Variants in NUP214 observed in about 807,000 individuals in gnomAD.
NUP214 encodes nucleoporin 214, also known as nuclear pore complex protein Nup214.
NUP214 carries 79 observed loss-of-function variants against 196.2 expected under a neutral mutation model. That is an observed-to-expected ratio of 0.40 (90% CI 0.34 to 0.49). The LOEUF (loss-of-function observed/expected upper bound fraction) is 0.49, where lower values mean the gene tolerates loss of function less well. Ranked by LOEUF, NUP214 falls within the 20% of genes least tolerant of loss-of-function variation. NUP214 has a pLI of 0.58. For missense variants in NUP214, 2,468 were observed against 2,539.0 expected (o/e 0.97, Z 0.60); for synonymous variants, 1,020 against 990.5 (o/e 1.03, Z -0.56).
intron 16 of NUP214, 38 bp downstream of exon 16, chr9:131,150,803 A>G (rs1564186302): frequency 6.3e-7 from 1 of 1,576,318 alleles, no homozygotes; most frequent in Admixed American, 1.9e-5. Context: ...GTTGAATTGC[A>G]TTTAACAATT....
In NUP214 at chr9:131,189,071, C is replaced by G. The variant is rs1488321854; in HGVS notation, c.3514C>G (p.Leu1172Val). 22 of 1,613,778 alleles carry G rather than the reference C, an allele frequency of 1.4e-5. No homozygotes were observed. Among genetic ancestry groups the G allele is most frequent in the Non-Finnish European group, 1.8e-5 (21 of 1,179,806 alleles). ...QAKQGSLINS[L>V]KPSGPTPASG... The stretch of plus-strand genomic sequence containing the variant: ...GTTATAGGGGTCTCTAATAAATTCC[C>G]TTAAGCCATCTGGGCCTACACCAGC... Residue 1172 changes from leucine (L) to valine (V), a missense_variant, in exon 26 of 36, where the codon CTT (leucine) becomes GTT (valine). Around this residue, in one of 5 missense-constraint regions of NUP214, gnomAD observed 1,801 missense variants for 1,779.4 expected, o/e 1.01. Coordinates refer to ENST00000359428, the MANE Select transcript of NUP214 (RefSeq NM_005085.4).
rs139865554 is a variant in NUP214 at position 131,198,308 on chromosome 9, G to A, written c.4814G>A (p.Gly1605Asp). ...ACAGCAGCTGCTATCTCAAGTGCAG[G>A]CCCTGTGGCCGTCGAAACATCAAGT... ...AVTAAAISSA[G>D]PVAVETSSTP... The change falls in exon 29 of 36, where the codon GGC (glycine) becomes GAC (aspartate). Residue 1605 changes from glycine (G) to aspartate (D), a missense_variant. Around this residue, in one of 5 missense-constraint regions of NUP214, gnomAD observed 1,801 missense variants for 1,779.4 expected, o/e 1.01. Coordinates refer to ENST00000359428, the MANE Select transcript of NUP214 (RefSeq NM_005085.4). 61 of 1,614,180 alleles carry A rather than the reference G, an allele frequency of 3.8e-5. No individual in the cohort carries two copies. In the African/African-American group the frequency reaches 5.1e-4, roughly 13 times the overall value.
At chr9:131,210,742 C>T (rs927384345) in intron 30 of NUP214, among the ~76,000 whole-genome samples, 5 of 151,572 alleles carry the variant, frequency 3.3e-5, no homozygotes, top group Non-Finnish European at 7.4e-5. Context: ...GAACAGTGAA[C>T]TCGAAGACGT....
At chr9:131,231,337 G>A (rs1044500141) in intron 34 of NUP214, among the ~76,000 whole-genome samples, 4 of 152,024 alleles carry the variant, frequency 2.6e-5, no homozygotes, top group Non-Finnish European at 5.9e-5. Context: ...GTCTACAGGC[G>A]CCCGCCACCA....
In NUP214 at chr9:131,234,039, CCAG is replaced by C; in HGVS notation, c.*559_*561del. Reference sequence around the variant, plus strand: ...GTGGAGGCAGAGGAAGCCACTCATGCCAGCAGCAGTTGAGTTTCAGAAGCAGCC... The same window carrying C: ...GTGGAGGCAGAGGAAGCCACTCATGCCAGCAGTTGAGTTTCAGAAGCAGCC... On this transcript the variant is annotated 3_prime_UTR_variant, in exon 36 of 36. Transcript: ENST00000359428. The C allele has an allele frequency of 3.9e-6, 1 of 254,172 alleles. No individual in the cohort carries two copies. Among genetic ancestry groups the C allele is most frequent in the South Asian group, 1.2e-4 (1 of 8,420 alleles). 15.7% of individuals were successfully genotyped at this position (254,172 alleles called of 1,614,324 possible). A position where few individuals can be genotyped will look rare whatever the true frequency, so the allele number is the denominator to read the frequency against.
At position 131,151,800 on chromosome 9, in the gene NUP214, A is replaced by T; in HGVS notation, c.2342A>T (p.Glu781Val). The T allele has an allele frequency of 1.2e-6, 2 of 1,613,710 alleles. No homozygotes were observed. The highest frequency in any genetic ancestry group is 1.7e-6 in the Non-Finnish European group (2 of 1,179,908). The change falls in exon 17 of 36, where the codon GAA (glutamate) becomes GTA (valine). Residue 781 changes from glutamate to valine, a missense_variant. Around this residue, in one of 5 missense-constraint regions of NUP214, gnomAD observed 1,801 missense variants for 1,779.4 expected, o/e 1.01. Coordinates refer to ENST00000359428, the MANE Select transcript of NUP214 (RefSeq NM_005085.4). The part of the protein sequence containing the change: ...TLLEGFAGVE[E>V]AREQNERNRD... ...CTTGAGGGCTTTGCTGGTGTTGAGG[A>T]AGCCAGAGAACAAAATGAAAGAAAT...
intron 10 of NUP214, 137 bp downstream of exon 10, chr9:131,139,544 A>T: frequency 7.6e-7 from 1 of 1,309,110 alleles, no homozygotes. Context: ...TTCTCCCTGA[A>T]GAGTGATAAC....
At chr9:131,177,985 G>C (rs1281932211) in intron 23 of NUP214, among the ~76,000 whole-genome samples, 1 of 152,178 alleles carries the variant, frequency 6.6e-6, no homozygotes, top group East Asian at 1.9e-4. Context: ...TAATCCTCTA[G>C]CTCAAGCTGC....
chr9:131,187,628 C>T (rs1459450224), intron 25 of NUP214, among the ~76,000 whole-genome samples: 1 of 152,206 alleles, frequency 6.6e-6, no homozygotes, highest in East Asian at 1.9e-4. Context: ...CTCAGATGAT[C>T]CATCTGCCTC....
At position 131,125,610 on chromosome 9, in the gene NUP214, C is replaced by G; in HGVS notation, c.-95C>G. 2.6e-6 allele frequency: 4 copies of G among 1,538,846 alleles called. No individual in the cohort carries two copies. The highest frequency in any genetic ancestry group is 3.5e-6 in the Non-Finnish European group (4 of 1,141,146). On this transcript the variant is annotated 5_prime_UTR_variant, in exon 1 of 36. Transcript: ENST00000359428. This position sits in a 1 kb window ranked among gnomAD's most constrained non-coding sequence, Gnocchi z 4.1. Reference sequence around the variant, plus strand: ...CGAGGTCAACTGCGCGCCGCTGGCGCTGAGGGGAGGAAGTTTGCTGTCGAG... The same window carrying G: ...CGAGGTCAACTGCGCGCCGCTGGCGGTGAGGGGAGGAAGTTTGCTGTCGAG...
Position 131,127,620 on chromosome 9 carries a change from T to C in NUP214, c.142T>C (p.Tyr48His). ...RSSLLAVSNK[Y>H]GLVFAGGASG... ...GAGTCTGCTTGCTGTGTCCAACAAA[T>C]ATGGTCTGGTCTTCGCTGGTGGAGC... Residue 48 changes from tyrosine (Y) to histidine (H), a missense_variant, in exon 2 of 36, where the codon TAT (tyrosine) becomes CAT (histidine). Around this residue, in one of 5 missense-constraint regions of NUP214, gnomAD observed 392 missense variants for 417.9 expected, o/e 0.94. Coordinates refer to ENST00000359428, the MANE Select transcript of NUP214 (RefSeq NM_005085.4). 6.2e-7 allele frequency: 1 copy of C among 1,614,126 alleles called. No individual in the cohort carries two copies. The highest frequency in any genetic ancestry group is 2.2e-5 in the East Asian group (1 of 44,878).
chr9:131,223,206 CGCCAG>C (rs1834612139), intron 32 of NUP214, among the ~76,000 whole-genome samples: 1 of 150,796 alleles, frequency 6.6e-6, no homozygotes, highest in Admixed American at 6.6e-5. Flanking sequence ...CTCAATCTGT[CGCCAG>C]GCTGGAGTGC....
rs142542063 is a variant in NUP214 at position 131,230,319 on chromosome 9, G to T, written c.6075-311G>T. The T allele has an allele frequency of 2.3e-3, 700 of 306,732 alleles. 5 individuals carry two copies. Among genetic ancestry groups the T allele is most frequent in the African/African-American group, 0.014 (654 of 45,962 alleles). The allele number at this position is 306,732 out of a possible 1,614,324, so 19.0% of individuals were successfully genotyped here. On this transcript the variant is annotated intron_variant, in intron 33 of 35. Transcript: ENST00000359428. The stretch of plus-strand genomic sequence containing the variant: ...GATAGAATAAAGCTTAAGGATTGTT[G>T]GAGGTAGAGCAGGAACTGTGTACTG...
At position 131,140,730 on chromosome 9, in the gene NUP214, T is replaced by G; in HGVS notation, c.1294+20T>G. On this transcript the variant is annotated intron_variant, in intron 11 of 35. Coordinates refer to ENST00000359428, the MANE Select transcript of NUP214 (RefSeq NM_005085.4). ...CACCAGGTATGTGCCTCTGCCTGCT[T>G]TATCAGTAAGGGAATACCATGGGCT... The G allele has an allele frequency of 6.2e-7, 1 of 1,607,276 alleles. No homozygotes were observed. Among genetic ancestry groups the G allele is most frequent in the Non-Finnish European group, 8.5e-7 (1 of 1,177,046 alleles).
intron 33 of NUP214, chr9:131,228,807 C>G (rs1055960502): frequency 1.3e-5 from 2 of 152,932 alleles, no homozygotes; most frequent in African/African-American, 4.8e-5. Context: ...AGTGAGTATT[C>G]AGTTGCACAG....
At chr9:131,128,273 G>A (rs1336865650) in intron 2 of NUP214, 59 bp from the exon 3 acceptor site, 4 of 1,543,584 alleles carry the variant, frequency 2.6e-6, no homozygotes, top group Non-Finnish European at 2.6e-6. Context: ...CTGGATAGAG[G>A]TTGTGGCTTT....
chr9:131,126,044 C>T (rs1237891510), intron 1 of NUP214: 1 of 437,874 alleles, frequency 2.3e-6, no homozygotes, highest in Non-Finnish European at 4.1e-6. Context: ...GTGCCAGGCA[C>T]TGTGGTAGTC....
At chr9:131,160,440 C>G (rs2133548062) in intron 18 of NUP214, among the ~76,000 whole-genome samples, 1 of 152,116 alleles carries the variant, frequency 6.6e-6, no homozygotes, top group South Asian at 2.1e-4. Context: ...AATGGGAAAA[C>G]CTTTTAGCAT....
rs745441438 is a variant in NUP214, at chr9:131,163,924, A to C, written c.2778A>C (p.Glu926Asp). 3 of 1,614,134 alleles carry C rather than the reference A, an allele frequency of 1.9e-6. No individual in the cohort carries two copies. Among genetic ancestry groups the C allele is most frequent in the Admixed American group, 1.7e-5 (1 of 60,020 alleles). Residue 926 changes from glutamate to aspartate, a missense_variant, in exon 20 of 36, where the codon GAA becomes GAC. Transcript: ENST00000359428. ...ATGCTTTGTTGAAAACCACCATAGA[A>C]TCTCACACCAAATCCTTGCCCAAAG... ...LCNALLKTTI[E>D]SHTKSLPKVP...
Sources: allele counts gnomAD v4.1 joint callset (sites outside exome capture counted in the v4.1 genomes callset), GRCh38; gene constraint gnomAD v4.1.1; regional missense constraint gnomAD v4.1.1; non-coding constraint Gnocchi (gnomAD v3.1); transcripts MANE v1.5; gene names NCBI Gene and HGNC (gene_info 2026-07-23, HGNC 2026-07-21).